The following GRID2 variants were observed in gnomAD, a reference collection of about 807,000 sequenced individuals.
GRID2 encodes the protein glutamate receptor ionotropic, delta-2.
Under a neutral mutation model 114.8 loss-of-function variants are expected in GRID2, and 33 were observed. That is an observed-to-expected ratio of 0.29 (90% CI 0.22 to 0.38). GRID2 has a LOEUF of 0.38. Among genes scored for constraint, GRID2 ranks in the 10% least tolerant of loss-of-function variants. GRID2 has a pLI of 1.00. For synonymous variants in GRID2, 505 were observed against 449.9 expected, an observed-to-expected ratio of 1.12 and a Z score of -1.55; for missense variants, 1,184 against 1,257.7, an observed-to-expected ratio of 0.94 and a Z score of 0.89.
intron 2 of GRID2, among the ~76,000 whole-genome samples, chr4:92,703,617 T>TTATATATATATATA (rs3971001): frequency 3.7e-4 from 52 of 140,996 alleles, no homozygotes; most frequent in African/African-American, 1.2e-3. Flanking sequence ...AGGAAAAACA[T>TTATATATATATATA]TATATATATA....
At chr4:92,469,647 T>C (rs1721928182) in intron 1 of GRID2, among the ~76,000 whole-genome samples, 1 of 151,574 alleles carries the variant, frequency 6.6e-6, no homozygotes, top group African/African-American at 2.4e-5. Context: ...GTAACCGATA[T>C]CGGATCAAAA....
At chr4:92,953,238 A>G (rs982106765) in intron 2 of GRID2, among the ~76,000 whole-genome samples, 3 of 152,204 alleles carry the variant, frequency 2.0e-5, no homozygotes, top group African/African-American at 7.2e-5. Context: ...AATTCAACCT[A>G]TAACATTGAG....
At chr4:93,125,319 A>G (rs574293597) in intron 4 of GRID2, among the ~76,000 whole-genome samples, 1 of 152,146 alleles carries the variant, frequency 6.6e-6, no homozygotes, top group African/African-American at 2.4e-5. Context: ...GAAAACATAC[A>G]TTTATACACA....
chr4:92,306,417 A>G (rs527373051), intron 1 of GRID2, among the ~76,000 whole-genome samples: 2 of 152,334 alleles, frequency 1.3e-5, no homozygotes, highest in Admixed American at 1.3e-4. Context: ...CAATGTTCTG[A>G]TAGAGTTCAG....
chr4:93,683,749 A>C (rs1266217591), intron 14 of GRID2, among the ~76,000 whole-genome samples: 2 of 151,942 alleles, frequency 1.3e-5, no homozygotes, highest in Non-Finnish European at 2.9e-5. Flanking sequence ...AGGGAAAATC[A>C]TTTATTTTAT....
intron 14 of GRID2, among the ~76,000 whole-genome samples, chr4:93,656,090 T>C (rs1161720525): frequency 6.6e-6 from 1 of 151,664 alleles, no homozygotes; most frequent in Non-Finnish European, 1.5e-5. Flanking sequence ...TCAAGGCAAG[T>C]TTAAAACATT....
At chr4:93,534,159 C>A (rs1313607258) in intron 13 of GRID2, among the ~76,000 whole-genome samples, 1 of 152,124 alleles carries the variant, frequency 6.6e-6, no homozygotes, top group Non-Finnish European at 1.5e-5. Context: ...CCCTGACTTC[C>A]CTATTTCTAA....
chr4:92,902,606 T>C (rs1239138024), intron 2 of GRID2, among the ~76,000 whole-genome samples: 1 of 152,090 alleles, frequency 6.6e-6, no homozygotes, highest in Non-Finnish European at 1.5e-5. Flanking sequence ...GATTCTTTTC[T>C]AGTATTTTTA....
rs1282459325 is a variant in GRID2 at position 93,316,291 on chromosome 4, C to CGAAAGAACGAAAGAAAGAAAGAAA, written c.1245+77808_1245+77809insCGAAAGAAAGAAAGAAAGAAAGAA. On this transcript the variant is annotated intron_variant, in intron 8 of 15. Transcript: ENST00000282020. ...AGAAAGAAAGAAAAGAACGAAAGAA[C>CGAAAGAACGAAAGAAAGAAAGAAA]GAAAGAAAGAAAGAAAGAAAGAAAG... Among the ~76,000 whole-genome samples the CGAAAGAACGAAAGAAAGAAAGAAA allele has an allele frequency of 3.5e-3, 269 of 77,114 alleles. 1 individual carries two copies. Among genetic ancestry groups the CGAAAGAACGAAAGAAAGAAAGAAA allele is most frequent in the Non-Finnish European group, 4.9e-3 (193 of 39,514 alleles). The allele number at this position is 77,114 out of a possible 152,430, so 50.6% of individuals were successfully genotyped here.
At chr4:93,722,291 AC>A (rs756278956) in intron 14 of GRID2, among the ~76,000 whole-genome samples, 1 of 152,066 alleles carries the variant, frequency 6.6e-6, no homozygotes, top group Non-Finnish European at 1.5e-5. Context: ...ATTTAACCCC[AC>A]CCCAAGGTTA....
At chr4:93,695,189 A>T (rs1033631114) in intron 14 of GRID2, among the ~76,000 whole-genome samples, 1 of 145,588 alleles carries the variant, frequency 6.9e-6, no homozygotes, top group African/African-American at 2.5e-5. Flanking sequence ...AAAAAAAAAA[A>T]TGGTTACTGA....
At chr4:93,388,382 T>C (rs1484523695) in intron 8 of GRID2, among the ~76,000 whole-genome samples, 1 of 152,192 alleles carries the variant, frequency 6.6e-6, no homozygotes, top group African/African-American at 2.4e-5. Flanking sequence ...TCTGATTTCA[T>C]TGGCATGGGG....
chr4:93,204,141 T>C (rs1742409485), intron 4 of GRID2: 1 of 152,194 alleles, frequency 6.6e-6, no homozygotes, highest in South Asian at 2.1e-4. Context: ...ATAAACTTTG[T>C]ATCCACTCAC....
At chr4:92,740,721 T>C (rs1210464843) in intron 2 of GRID2, among the ~76,000 whole-genome samples, 1 of 146,744 alleles carries the variant, frequency 6.8e-6, no homozygotes, top group Admixed American at 6.7e-5. Context: ...GATAGATAGA[T>C]AGATAGATAG....
intron 2 of GRID2, among the ~76,000 whole-genome samples, chr4:92,751,725 A>G (rs1737463535): frequency 6.6e-6 from 1 of 152,210 alleles, no homozygotes. Context: ...ACTAACTTAT[A>G]CTATACTGTA....
chr4:93,279,722 G>A (rs1018691070), intron 8 of GRID2, among the ~76,000 whole-genome samples: 1 of 151,872 alleles, frequency 6.6e-6, no homozygotes, highest in Non-Finnish European at 1.5e-5. Flanking sequence ...TCTTCAGAAT[G>A]AACAGAGTTA....
chr4:93,261,476 A>G (rs1473070825), intron 8 of GRID2, among the ~76,000 whole-genome samples: 1 of 151,798 alleles, frequency 6.6e-6, no homozygotes, highest in Non-Finnish European at 1.5e-5. Context: ...TTAAGCACTC[A>G]CTCAGGCTGG....
rs115509142 is a variant in GRID2 at position 93,710,473 on chromosome 4, C to T, written c.2361-58737C>T. On this transcript the variant is annotated intron_variant, in intron 14 of 15. Coordinates refer to ENST00000282020, the MANE Select transcript of GRID2 (RefSeq NM_001510.4). The stretch of plus-strand genomic sequence containing the variant: ...CGGTGAGCTGCTTGATGTTGAGGGA[C>T]GAGTGACACAGCACTGCTGTAGCCA... Among the ~76,000 whole-genome samples, 303 of 152,262 alleles carry T rather than the reference C, an allele frequency of 2.0e-3. 1 individual carries two copies. Among genetic ancestry groups the T allele is most frequent in the African/African-American group, 6.9e-3 (286 of 41,548 alleles).
At chr4:93,286,588 A>T (rs566303673) in intron 8 of GRID2, among the ~76,000 whole-genome samples, 22 of 152,168 alleles carry the variant, frequency 1.4e-4, no homozygotes, top group African/African-American at 4.8e-4. Flanking sequence ...TCTTACCAAA[A>T]CACACTGTAT....
Sources: gnomAD v4.1 joint callset for allele counts (sites outside exome capture counted in the v4.1 genomes callset) on GRCh38, gnomAD v4.1.1 for gene constraint, MANE v1.5 for transcripts, NCBI Gene and HGNC (gene_info 2026-07-23, HGNC 2026-07-21) for gene names.